The following SLC38A8 variants were observed in gnomAD, a reference collection of about 807,000 sequenced individuals.
SLC38A8 encodes the protein amino acid transporter SLC38A8.
Under a neutral mutation model 46.0 loss-of-function variants are expected in SLC38A8, and 65 were observed. The observed-to-expected ratio is 1.41, with a 90% CI of 1.16 to 1.74. The LOEUF is 1.74. SLC38A8 is among the 40% of genes most tolerant of loss of function. The pLI, the probability that SLC38A8 is intolerant of heterozygous loss-of-function variation, is 0.00. For synonymous variants in SLC38A8, 447 were observed against 243.7 expected (o/e 1.83, Z -7.77); for missense variants, 998 against 567.9 (o/e 1.76, Z -7.70).
In SLC38A8 at chr16:84,022,786, T is replaced by C. The variant is rs371168310; in HGVS notation, c.794A>G (p.Tyr265Cys). Residue 265 changes from tyrosine to cysteine, a missense_variant, in exon 7 of 11, where the codon TAT (tyrosine) becomes TGT (cysteine). Transcript: ENST00000299709. Reference protein sequence around the residue: ...VLSLLACCLIYSLTGVYGFLT... With the variant: ...VLSLLACCLICSLTGVYGFLT... ...GGGAAGGGCCTTACCCGTCAGTGAA[T>C]AGATGAGGCAGCAGGCCAGCAAGGA... The C allele has an allele frequency of 1.1e-4, 182 of 1,613,940 alleles. 1 individual carries two copies. In the South Asian group the frequency reaches 1.7e-3, roughly 15 times the overall value.
intron 10 of SLC38A8, among the ~76,000 whole-genome samples, chr16:84,010,557 C>T (rs570586056): frequency 5.3e-4 from 81 of 152,060 alleles, no homozygotes; most frequent in African/African-American, 1.8e-3. Context: ...GCCTGGCCAA[C>T]ATGGTGAAAC....
chr16:84,016,476 G>A (rs756181792), intron 9 of SLC38A8, 43 bp downstream of exon 9: 31 of 1,601,188 alleles, frequency 1.9e-5, no homozygotes, highest in Non-Finnish European at 2.6e-5. Context: ...AGATGAGCAG[G>A]GAAGAACAAG....
chr16:84,016,751 C>T (rs1251023436), intron 8 of SLC38A8, 24 bp from the exon 9 acceptor site: 1 of 1,601,866 alleles, frequency 6.2e-7, no homozygotes, highest in African/African-American at 1.3e-5. Context: ...CCAACACAGA[C>T]ACATGGGCAT....
In SLC38A8 at chr16:84,016,460, C is replaced by G. The variant is rs914189000; in HGVS notation, c.1162+59G>C. On this transcript the variant is annotated intron_variant, in intron 9 of 10. Coordinates refer to ENST00000299709, the MANE Select transcript of SLC38A8 (RefSeq NM_001080442.3). ...CCTTGACCTCCAACACTGGGAGTCC[C>G]CACAGAGATGAGCAGGGAAGAACAA... 1.6e-5 allele frequency: 26 copies of G among 1,577,520 alleles called. No individual in the cohort carries two copies. In the African/African-American group the frequency reaches 3.4e-4, roughly 20 times the overall value.
Position 84,017,251 on chromosome 16 carries a change from G to T in SLC38A8, c.842C>A (p.Ser281Tyr). The T allele has an allele frequency of 6.2e-7, 1 of 1,614,118 alleles. No individual in the cohort carries two copies. Among genetic ancestry groups the T allele is most frequent in the Non-Finnish European group, 8.5e-7 (1 of 1,180,030 alleles). ...YGFLTFGTEVSADVLMSYPGN... is the reference protein window; with the variant it reads ...YGFLTFGTEVYADVLMSYPGN... Reference sequence around the variant, plus strand: ...TGGGTAGGACATCAAGACGTCAGCAGAAACTTCTGTCCCAAAAGTCAGGAA... The same window carrying T: ...TGGGTAGGACATCAAGACGTCAGCATAAACTTCTGTCCCAAAAGTCAGGAA... Residue 281 changes from serine (S) to tyrosine (Y), a missense_variant, in exon 8 of 11, where the codon TCT (serine) becomes TAT (tyrosine). Ser to Tyr is a moderately radical substitution (Grantham distance 144). Transcript: ENST00000299709.
chr16:84,014,047 T>C (rs1431021696), intron 9 of SLC38A8, among the ~76,000 whole-genome samples: 1 of 149,378 alleles, frequency 6.7e-6, no homozygotes, highest in Non-Finnish European at 1.5e-5. Context: ...AAGGGCTGTG[T>C]GACCACACTC....
chr16:84,030,193 G>A (rs1163524325), intron 5 of SLC38A8, among the ~76,000 whole-genome samples: 2 of 152,142 alleles, frequency 1.3e-5, no homozygotes, highest in Non-Finnish European at 2.9e-5. Context: ...ATCAGCCAAG[G>A]AACACAGATC....
intron 6 of SLC38A8, among the ~76,000 whole-genome samples, chr16:84,023,257 G>C (rs1047392801): frequency 1.3e-5 from 2 of 152,042 alleles, no homozygotes; most frequent in African/African-American, 4.8e-5. Flanking sequence ...GTTCAACTGA[G>C]GCTAGTTTAG....
chr16:84,009,960 A>G, intron 10 of SLC38A8, 83 bp from the exon 11 acceptor site: 1 of 1,199,288 alleles, frequency 8.3e-7, no homozygotes, highest in South Asian at 1.4e-5. Flanking sequence ...TTCACTATGT[A>G]GAGCCCAGTA....
intron 2 of SLC38A8, among the ~76,000 whole-genome samples, chr16:84,038,109 G>C (rs940838556): frequency 6.6e-6 from 1 of 152,034 alleles, no homozygotes; most frequent in East Asian, 1.9e-4. Context: ...TCGGGAGTTT[G>C]AGACCAGCCT....
chr16:84,020,434 C>T (rs1424108505), intron 7 of SLC38A8, among the ~76,000 whole-genome samples: 3 of 152,238 alleles, frequency 2.0e-5, no homozygotes, highest in Non-Finnish European at 4.4e-5. Context: ...AGGCATGAGC[C>T]ACCACACCTG....
rs112219734 is a variant in SLC38A8 at position 84,035,839 on chromosome 16, T to A, written c.388+863A>T. Among the ~76,000 whole-genome samples, 95 of 152,320 alleles carry A rather than the reference T, an allele frequency of 6.2e-4. 1 individual carries two copies. Among genetic ancestry groups the A allele is most frequent in the Middle Eastern group, 3.4e-3 (1 of 294 alleles). On this transcript the variant is annotated intron_variant, in intron 3 of 10. Transcript: ENST00000299709. ...CTAATCTGCAATCGCAGCTGGCGAT[T>A]TTAACATCCTTTAACATCCTTCTCT...
At chr16:84,035,075 A>G (rs976157661) in intron 3 of SLC38A8, among the ~76,000 whole-genome samples, 1 of 152,124 alleles carries the variant, frequency 6.6e-6, no homozygotes, top group Non-Finnish European at 1.5e-5. Context: ...CGCTCTCTCC[A>G]CCACAGTCAA....
intron 10 of SLC38A8, 140 bp from the exon 11 acceptor site, chr16:84,010,017 T>A (rs1442797956): frequency 3.4e-6 from 2 of 591,462 alleles, no homozygotes; most frequent in Non-Finnish European, 5.5e-6. Flanking sequence ...TATTTCCAGT[T>A]ACCTGTAGGG....
At chr16:84,032,014 C>G (rs760136597) in intron 4 of SLC38A8, 46 bp from the exon 5 acceptor site, 1 of 1,516,020 alleles carries the variant, frequency 6.6e-7, no homozygotes, top group South Asian at 1.1e-5. Flanking sequence ...GTGACATGTG[C>G]GGTTGATGCA....
At chr16:84,011,389 G>A (rs2084951284) in intron 10 of SLC38A8, among the ~76,000 whole-genome samples, 1 of 152,178 alleles carries the variant, frequency 6.6e-6, no homozygotes, top group African/African-American at 2.4e-5. Flanking sequence ...AATACCCAAG[G>A]CAGGTTTAGA....
rs2085040777 is a variant in SLC38A8 at position 84,017,211 on chromosome 16, G to A, written c.882C>T (p.Val294=). Residue 294 remains valine, a synonymous_variant, in exon 8 of 11, where the codon GTC becomes GTT. Transcript: ENST00000299709. The part of the protein sequence containing the change: ...VLMSYPGNDM[V]IIVARVLFAV... Reference sequence around the variant, plus strand: ...CAAAAAGGACCCGGGCCACAATGATGACCATATCATTGCCTGGGTAGGACA... The same window carrying A: ...CAAAAAGGACCCGGGCCACAATGATAACCATATCATTGCCTGGGTAGGACA... 6.2e-7 allele frequency: 1 copy of A among 1,614,004 alleles called. No individual in the cohort carries two copies. Among genetic ancestry groups the A allele is most frequent in the Non-Finnish European group, 8.5e-7 (1 of 1,179,982 alleles).
At chr16:84,015,644 T>C (rs542995576) in intron 9 of SLC38A8, among the ~76,000 whole-genome samples, 104 of 152,140 alleles carry the variant, frequency 6.8e-4, no homozygotes, top group African/African-American at 2.4e-3. Flanking sequence ...GTCAAGAATG[T>C]CCATCAGGAG....
intron 10 of SLC38A8, among the ~76,000 whole-genome samples, chr16:84,010,841 A>T (rs1398045519): frequency 6.6e-6 from 1 of 152,122 alleles, no homozygotes; most frequent in African/African-American, 2.4e-5. Context: ...ATCCCATGAA[A>T]ATGAAGGAGA....
Sources: allele counts gnomAD v4.1 joint callset (sites outside exome capture counted in the v4.1 genomes callset), GRCh38; gene constraint gnomAD v4.1.1; transcripts MANE v1.5; gene names NCBI Gene and HGNC (gene_info 2026-07-23, HGNC 2026-07-21).